UBE2W: variants seen among roughly 807,000 people sequenced by gnomAD.
UBE2W encodes ubiquitin-conjugating enzyme E2 W.
In UBE2W, 18 loss-of-function variants were observed where a neutral mutation model predicts 27.2. The ratio of observed to expected loss-of-function variants is 0.66; its 90% CI spans 0.46 to 0.98. The LOEUF is 0.98. UBE2W is among the 50% of genes least tolerant of loss of function. The pLI, the probability that UBE2W is intolerant of heterozygous loss-of-function variation, is 0.00. For synonymous variants in UBE2W, 53 were observed against 57.2 expected, an observed-to-expected ratio of 0.93 and a Z score of 0.33; for missense variants, 90 against 180.2, an observed-to-expected ratio of 0.50 and a Z score of 2.87.
Position 73,790,818 on chromosome 8 carries a change from T to C in UBE2W, c.*3284A>G, listed in dbSNP as rs1808158723. On this transcript the variant is annotated 3_prime_UTR_variant, in exon 6 of 6. Transcript: ENST00000602593. The stretch of plus-strand genomic sequence containing the variant: ...CATATCACTACTCATTTCCATTATT[T>C]ACCAATTCATCTTTGATGCAACTTG... 1.5e-5 allele frequency: 15 copies of C among 984,930 alleles called. No homozygotes were observed. Among genetic ancestry groups the C allele is most frequent in the Non-Finnish European group, 1.8e-5 (15 of 829,448 alleles). The allele number at this position is 984,930 out of a possible 1,614,324, so 61.0% of individuals were successfully genotyped here.
intron 1 of UBE2W, chr8:73,831,937 A>AT (rs1464814795): frequency 1.3e-5 from 2 of 151,936 alleles, no homozygotes; most frequent in African/African-American, 4.8e-5. Flanking sequence ...AGCTTCTAGA[A>AT]TTTTTAACAC....
At chr8:73,857,575 T>C (rs1256066157) in intron 1 of UBE2W, among the ~76,000 whole-genome samples, 1 of 152,186 alleles carries the variant, frequency 6.6e-6, no homozygotes, top group Non-Finnish European at 1.5e-5. Flanking sequence ...CCCAGCACTT[T>C]GTGAGGCCGA....
intron 1 of UBE2W, among the ~76,000 whole-genome samples, chr8:73,872,776 G>C (rs1385403077): frequency 6.6e-6 from 1 of 151,964 alleles, no homozygotes; most frequent in East Asian, 1.9e-4. Flanking sequence ...ATATTCCTGA[G>C]TTTATAACAC....
chr8:73,797,229 T>C (rs936088334), intron 5 of UBE2W, among the ~76,000 whole-genome samples: 6 of 152,136 alleles, frequency 3.9e-5, no homozygotes, highest in African/African-American at 1.4e-4. Context: ...ATAAAAACTA[T>C]CATATAGTTT....
chr8:73,824,329 A>G (rs1809740122), intron 3 of UBE2W, among the ~76,000 whole-genome samples: 2 of 152,212 alleles, frequency 1.3e-5, no homozygotes, highest in African/African-American at 4.8e-5. Flanking sequence ...CTGGGCATCA[A>G]ATTATAATAA....
intron 1 of UBE2W, among the ~76,000 whole-genome samples, chr8:73,851,436 A>G (rs1377008241): frequency 2.0e-5 from 3 of 152,172 alleles, no homozygotes; most frequent in Admixed American, 6.5e-5. Context: ...TGTGTTTTCA[A>G]TGGGTGTTAC....
intron 4 of UBE2W, 55 bp downstream of exon 4, chr8:73,810,419 T>C: frequency 6.8e-7 from 1 of 1,467,970 alleles, no homozygotes; most frequent in Non-Finnish European, 9.2e-7. Context: ...TAAAATTATT[T>C]ATCTACCTAA....
intron 1 of UBE2W, among the ~76,000 whole-genome samples, chr8:73,832,211 G>A (rs1810098774): frequency 6.6e-6 from 1 of 151,782 alleles, no homozygotes; most frequent in Admixed American, 6.6e-5. Flanking sequence ...TAAGGTAGGA[G>A]GATCTTTTGA....
intron 3 of UBE2W, among the ~76,000 whole-genome samples, chr8:73,811,096 A>G (rs1046735778): frequency 2.6e-5 from 4 of 152,170 alleles, no homozygotes; most frequent in African/African-American, 4.8e-5. Flanking sequence ...TCTAAGGCAC[A>G]TGTGCAAAGG....
intron 2 of UBE2W, among the ~76,000 whole-genome samples, chr8:73,825,704 G>A (rs1809808653): frequency 6.6e-6 from 1 of 152,158 alleles, no homozygotes; most frequent in African/African-American, 2.4e-5. Context: ...AGGAGGCTGA[G>A]GCAGGAGAAT....
intron 1 of UBE2W, among the ~76,000 whole-genome samples, chr8:73,875,739 C>T (rs1812189254): frequency 1.3e-5 from 2 of 152,108 alleles, no homozygotes; most frequent in Admixed American, 6.6e-5. Flanking sequence ...CTCCACTGCA[C>T]TATCACCTTC....
chr8:73,817,765 G>C lies in UBE2W; in HGVS notation c.211-7136C>G, dbSNP rs540883476. Reference sequence around the variant, plus strand: ...TGACCTCAAGTGATCTGCCTGCCTTGGCCTCCCAAAGTGCTGGGATTAGAG... The same window carrying C: ...TGACCTCAAGTGATCTGCCTGCCTTCGCCTCCCAAAGTGCTGGGATTAGAG... On this transcript the variant is annotated intron_variant, in intron 3 of 5. Coordinates refer to ENST00000602593, the MANE Select transcript of UBE2W (RefSeq NM_018299.6). Among the ~76,000 whole-genome samples the C allele has an allele frequency of 3.3e-5, 5 of 152,218 alleles. No homozygotes were observed. The South Asian group carries it at 1.0e-3, about 32-fold the overall frequency.
chr8:73,857,643 C>T (rs1811361264), intron 1 of UBE2W, among the ~76,000 whole-genome samples: 1 of 151,930 alleles, frequency 6.6e-6, no homozygotes, highest in African/African-American at 2.4e-5. Context: ...TAGTGAAATC[C>T]TGTCGCTACT....
chr8:73,831,507 G>C (rs565036361), intron 1 of UBE2W: 1 of 153,986 alleles, frequency 6.5e-6, no homozygotes, highest in Admixed American at 6.5e-5. Flanking sequence ...ATCTCACGAA[G>C]TACAACAGCT....
In UBE2W at chr8:73,791,844, T is replaced by C; in HGVS notation, c.*2258A>G. Reference sequence around the variant, plus strand: ...TCTACTTTCCTCTGTGTCATTTTAGTTTACTTTATGGTATTTATATGTAGA... The same window carrying C: ...TCTACTTTCCTCTGTGTCATTTTAGCTTACTTTATGGTATTTATATGTAGA... On this transcript the variant is annotated 3_prime_UTR_variant, in exon 6 of 6. Coordinates refer to ENST00000602593, the MANE Select transcript of UBE2W (RefSeq NM_018299.6). 3 of 984,908 alleles carry C rather than the reference T, an allele frequency of 3.0e-6. No homozygotes were observed. Among genetic ancestry groups the C allele is most frequent in the Non-Finnish European group, 3.6e-6 (3 of 829,450 alleles). The allele number at this position is 984,908 out of a possible 1,614,324, so 61.0% of individuals were successfully genotyped here.
intron 1 of UBE2W, chr8:73,831,143 T>C (rs1810048615): frequency 7.1e-6 from 3 of 420,020 alleles, no homozygotes; most frequent in African/African-American, 6.5e-5. Context: ...GCAGTAATAG[T>C]AGTTCTGGCA....
At chr8:73,825,878 C>T (rs1258900155) in intron 2 of UBE2W, among the ~76,000 whole-genome samples, 1 of 152,122 alleles carries the variant, frequency 6.6e-6, no homozygotes, top group Non-Finnish European at 1.5e-5. Flanking sequence ...TTTATACTAC[C>T]TTATTTTTTC....
intron 5 of UBE2W, among the ~76,000 whole-genome samples, chr8:73,798,926 CTTG>C (rs143081949): frequency 0.024 from 3,660 of 151,814 alleles, 154 homozygotes; most frequent in African/African-American, 0.084. Flanking sequence ...TTTGGTTAGG[CTTG>C]TTTTTTTTTT....
intron 1 of UBE2W, among the ~76,000 whole-genome samples, chr8:73,858,012 G>T (rs2130964368): frequency 6.6e-6 from 1 of 152,060 alleles, no homozygotes; most frequent in East Asian, 1.9e-4. Context: ...ATCACCTGAG[G>T]TCAGGTGATT....
Sources: allele counts gnomAD v4.1 joint callset (sites outside exome capture counted in the v4.1 genomes callset), GRCh38; gene constraint gnomAD v4.1.1; transcripts MANE v1.5; gene names NCBI Gene and HGNC (gene_info 2026-07-23, HGNC 2026-07-21).